Variants in FARP2 observed in about 807,000 individuals in gnomAD.
The protein encoded by FARP2 is FERM, ARHGEF and pleckstrin domain-containing protein 2.
Under a neutral mutation model 130.5 loss-of-function variants are expected in FARP2, and 111 were observed. That is an observed-to-expected ratio of 0.85 (90% CI 0.73 to 1.00). The LOEUF is 1.00. FARP2 is among the 50% of genes least tolerant of loss of function. The pLI, the probability that FARP2 is intolerant of heterozygous loss-of-function variation, is 0.00. For missense variants in FARP2, 1,385 were observed against 1,346.3 expected (o/e 1.03, Z -0.45); for synonymous variants, 504 against 516.9 (o/e 0.98, Z 0.34).
intron 2 of FARP2, among the ~76,000 whole-genome samples, chr2:241,391,126 G>A (rs2061894653): frequency 6.6e-6 from 1 of 152,208 alleles, no homozygotes; most frequent in Non-Finnish European, 1.5e-5. Context: ...TTTGGTTGAT[G>A]AAGAAGAAAG....
In FARP2 at chr2:241,428,054, C is replaced by CTG. The variant is rs1559759737; in HGVS notation, c.772-3625_772-3624insTG. 2.0e-5 allele frequency among the ~76,000 whole-genome samples: 3 copies of CTG among 151,816 alleles called. No homozygotes were observed. In the East Asian group the frequency reaches 5.9e-4, roughly 30 times the overall value. On this transcript the variant is annotated intron_variant, in intron 8 of 26. Coordinates refer to ENST00000264042, the MANE Select transcript of FARP2 (RefSeq NM_014808.4). ...GTGCTGGGATTACAGGCATGAGCCA[C>CTG]CACGCCCAGCCTAGGCCCTCGGTTT...
intron 19 of FARP2, among the ~76,000 whole-genome samples, chr2:241,479,582 C>G (rs564213691): frequency 1.1e-3 from 169 of 152,374 alleles, no homozygotes; most frequent in African/African-American, 3.8e-3. Flanking sequence ...CAGCCTGGGA[C>G]AGTCAAGGCT....
At chr2:241,493,261 C>T in intron 25 of FARP2, 32 bp from the exon 26 acceptor site, 1 of 1,607,998 alleles carries the variant, frequency 6.2e-7, no homozygotes, top group Non-Finnish European at 8.5e-7. Flanking sequence ...CAACCCAGCC[C>T]CTGGAACCCG....
intron 4 of FARP2, among the ~76,000 whole-genome samples, chr2:241,406,248 C>G (rs1408014371): frequency 6.6e-6 from 1 of 151,766 alleles, no homozygotes; most frequent in Admixed American, 6.6e-5. Context: ...GCGGAGCTTG[C>G]AGTGAGCCGA....
chr2:241,441,373 TC>T lies in FARP2; in HGVS notation c.1229del (p.Ser410PhefsTer79), dbSNP rs748710216. 1.9e-6 allele frequency: 3 copies of T among 1,614,032 alleles called. No individual in the cohort carries two copies. The African/African-American group carries it at 4.0e-5, about 22-fold the overall frequency. ...TTCAGCGAATGCCTTTTACTCGCTC[TC>T]TCCCTCCACTCTGGTCCCCTCTGGC... Reference protein sequence around the residue: ...PSSANAFYSLSPSTLVPSGLP... With the variant: ...PSSANAFYSLXPSTLVPSGLP... On this transcript the variant is annotated frameshift_variant, in exon 13 of 27. Coordinates refer to ENST00000264042, the MANE Select transcript of FARP2 (RefSeq NM_014808.4). LOFTEE classifies it high-confidence loss of function.
In FARP2 at chr2:241,412,858, T is replaced by C. The variant is rs893465350; in HGVS notation, c.509-449T>C. On this transcript the variant is annotated intron_variant, in intron 6 of 26. Coordinates refer to ENST00000264042, the MANE Select transcript of FARP2 (RefSeq NM_014808.4). ...GCCTGGGCAATGTGGCAAAACCTTA[T>C]CTCTACAAAAAATACAAAAATTAGC... Among the ~76,000 whole-genome samples the C allele has an allele frequency of 3.3e-5, 5 of 152,078 alleles. No individual in the cohort carries two copies. In the South Asian group the frequency reaches 6.2e-4, roughly 19 times the overall value.
Position 241,491,118 on chromosome 2 carries a change from CAA to C in FARP2, c.2563_2564del (p.Lys855GlufsTer4). ...ACCTGAACTCCGCGATCCAAGCAGC[CAA>C]GAGTGGCGGTGACACGGCCCCTGCA... is the stretch of plus-strand genomic sequence containing the variant. ...LDLNSAIQAA[K>X]SGGDTAPALP... On this transcript the variant is annotated frameshift_variant, in exon 23 of 27. Coordinates refer to ENST00000264042, the MANE Select transcript of FARP2 (RefSeq NM_014808.4). LOFTEE classifies it high-confidence loss of function. The C allele has an allele frequency of 6.2e-7, 1 of 1,613,542 alleles. No homozygotes were observed.
intron 12 of FARP2, among the ~76,000 whole-genome samples, chr2:241,436,849 A>G (rs1339672253): frequency 6.6e-6 from 1 of 152,184 alleles, no homozygotes; most frequent in Non-Finnish European, 1.5e-5. Context: ...GCCGAGCATG[A>G]TGGTGGCGCA....
rs1198645103 is a variant in FARP2, at chr2:241,431,721, A to G, written c.814A>G (p.Lys272Glu). The G allele has an allele frequency of 1.9e-6, 3 of 1,602,636 alleles. No individual in the cohort carries two copies. Among genetic ancestry groups the G allele is most frequent in the Non-Finnish European group, 8.5e-7 (1 of 1,172,002 alleles). Residue 272 changes from lysine (K) to glutamate (E), a missense_variant, in exon 9 of 27, where the codon AAA becomes GAA. Transcript: ENST00000264042. The stretch of plus-strand genomic sequence containing the variant: ...CACTTTCAACTGGTCCAAGGTCCGT[A>G]AACTAAGCTTCAAGAGGAAAAGATT... ...INTFNWSKVR[K>E]LSFKRKRFLI... is the part of the protein sequence containing the mutation.
chr2:241,482,338 G>C lies in FARP2; in HGVS notation c.2263-1127G>C, dbSNP rs1193610192. ...ACATCCTGTGAGGGAGCTCTGGAGA[G>C]GGGGCTGCTGCTTAGCCAGTGCTGG... On this transcript the variant is annotated intron_variant, in intron 19 of 26. Coordinates refer to ENST00000264042, the MANE Select transcript of FARP2 (RefSeq NM_014808.4). The surrounding 1 kb of genome is among the most constrained non-coding windows in gnomAD (Gnocchi z 4.6). Among the ~76,000 whole-genome samples the C allele has an allele frequency of 6.6e-6, 1 of 152,202 alleles. No homozygotes were observed. Among genetic ancestry groups the C allele is most frequent in the Non-Finnish European group, 1.5e-5 (1 of 68,034 alleles).
At chr2:241,371,673 A>G (rs1045271302) in intron 1 of FARP2, among the ~76,000 whole-genome samples, 1 of 152,188 alleles carries the variant, frequency 6.6e-6, no homozygotes, top group Admixed American at 6.5e-5. Flanking sequence ...GTGAGATAAA[A>G]TAATGCGTGC....
chr2:241,404,100 C>T (rs2062268168), intron 3 of FARP2, among the ~76,000 whole-genome samples, 168 bp downstream of exon 3: 1 of 152,224 alleles, frequency 6.6e-6, no homozygotes, highest in South Asian at 2.1e-4. Flanking sequence ...CCTGAATTCA[C>T]ACTCTCCCTA....
chr2:241,367,260 A>G (rs1201650770), intron 1 of FARP2, among the ~76,000 whole-genome samples: 1 of 152,076 alleles, frequency 6.6e-6, no homozygotes, highest in Non-Finnish European at 1.5e-5. Context: ...ACACTGTAGC[A>G]GTGTTGGTGT....
chr2:241,404,674 G>A (rs1255934622), intron 3 of FARP2, 125 bp from the exon 4 acceptor site: 9 of 653,012 alleles, frequency 1.4e-5, no homozygotes, highest in Non-Finnish European at 2.4e-5. Context: ...TAAGAGGGGG[G>A]GTAGAGTCAA....
intron 13 of FARP2, chr2:241,442,669 T>G (rs532818973): frequency 3.4e-4 from 116 of 341,352 alleles, no homozygotes; most frequent in Non-Finnish European, 5.6e-4. Flanking sequence ...TTTCCTGATT[T>G]ATTATACTTT....
chr2:241,443,133 C>G (rs1267633202), intron 13 of FARP2: 2 of 259,348 alleles, frequency 7.7e-6, no homozygotes, highest in South Asian at 4.2e-5. Flanking sequence ...TTCAGCAACC[C>G]TTTTGCACAG....
At chr2:241,412,725 G>A (rs967231030) in intron 6 of FARP2, among the ~76,000 whole-genome samples, 4 of 152,278 alleles carry the variant, frequency 2.6e-5, no homozygotes, top group Non-Finnish European at 2.9e-5. Flanking sequence ...GGTTTAAGGT[G>A]TAGTTTAAAA....
At chr2:241,386,948 A>G (rs956773462) in intron 2 of FARP2, 1 of 152,228 alleles carries the variant, frequency 6.6e-6, no homozygotes, top group Non-Finnish European at 1.5e-5. Flanking sequence ...CAACCATGTA[A>G]CCAAGGTCCC....
At chr2:241,456,710 C>T in intron 13 of FARP2, 37 bp from the exon 14 acceptor site, 1 of 1,610,706 alleles carries the variant, frequency 6.2e-7, no homozygotes, top group South Asian at 1.1e-5. Context: ...AGCCCTTTCT[C>T]ATTTCTCGCT....
Sources: allele counts gnomAD v4.1 joint callset (sites outside exome capture counted in the v4.1 genomes callset), GRCh38; gene constraint gnomAD v4.1.1; non-coding constraint Gnocchi (gnomAD v3.1); transcripts MANE v1.5; gene names NCBI Gene and HGNC (gene_info 2026-07-23, HGNC 2026-07-21).